SGCZ: variants seen among roughly 807,000 people sequenced by gnomAD.
The protein encoded by SGCZ is zeta-sarcoglycan.
In SGCZ, 40 loss-of-function variants were observed where a neutral mutation model predicts 41.3. The observed-to-expected ratio is 0.97, with a 90% CI of 0.75 to 1.26. The LOEUF (loss-of-function observed/expected upper bound fraction) is 1.26, where lower values mean the gene tolerates loss of function less well. Among genes scored for constraint, SGCZ ranks in the 50% most tolerant of loss-of-function variants. The pLI, the probability that SGCZ is intolerant of heterozygous loss-of-function variation, is 0.00. For missense variants in SGCZ, 552 were observed against 369.8 expected, an observed-to-expected ratio of 1.49 and a Z score of -4.04; for synonymous variants, 206 against 137.5, an observed-to-expected ratio of 1.50 and a Z score of -3.49.
chr8:14,631,637 C>A (rs1005013348), intron 1 of SGCZ, among the ~76,000 whole-genome samples: 2 of 152,062 alleles, frequency 1.3e-5, no homozygotes, highest in African/African-American at 4.8e-5. Context: ...CACCTCCTTG[C>A]TGGAGATACT....
At chr8:14,988,486 T>C (rs996424662) in intron 1 of SGCZ, among the ~76,000 whole-genome samples, 2 of 152,060 alleles carry the variant, frequency 1.3e-5, no homozygotes, top group Non-Finnish European at 2.9e-5. Flanking sequence ...TATTATAAAA[T>C]TCATTATTGG....
intron 1 of SGCZ, among the ~76,000 whole-genome samples, chr8:14,801,519 T>C (rs1307473891): frequency 6.6e-6 from 1 of 152,132 alleles, no homozygotes; most frequent in Non-Finnish European, 1.5e-5. Flanking sequence ...TACAGACAGA[T>C]TATGTTTATT....
chr8:14,837,172 C>A (rs1457722368), intron 1 of SGCZ, among the ~76,000 whole-genome samples: 1 of 152,058 alleles, frequency 6.6e-6, no homozygotes. Flanking sequence ...TCCTTGGAGA[C>A]AGAGAAAATA....
chr8:14,567,017 A>T (rs1381210093), intron 1 of SGCZ, among the ~76,000 whole-genome samples: 1 of 152,178 alleles, frequency 6.6e-6, no homozygotes, highest in Non-Finnish European at 1.5e-5. Flanking sequence ...CAGGTCCCCC[A>T]GCAGTGCCGG....
At chr8:14,328,710 T>C (rs571918181) in intron 2 of SGCZ, among the ~76,000 whole-genome samples, 3 of 152,320 alleles carry the variant, frequency 2.0e-5, no homozygotes, top group South Asian at 2.1e-4. Flanking sequence ...TTGTTCATCA[T>C]TGCTATGGTT....
chr8:14,339,320 T>C (rs923753636), intron 2 of SGCZ, among the ~76,000 whole-genome samples: 4 of 152,240 alleles, frequency 2.6e-5, no homozygotes, highest in African/African-American at 9.6e-5. Flanking sequence ...CTCTTCTCTA[T>C]GTGAATGTTA....
chr8:14,348,523 G>C (rs1563272177), intron 2 of SGCZ, among the ~76,000 whole-genome samples: 1 of 152,194 alleles, frequency 6.6e-6, no homozygotes, highest in South Asian at 2.1e-4. Context: ...AGATTGAAAT[G>C]GTTTTGAATA....
intron 2 of SGCZ, among the ~76,000 whole-genome samples, chr8:14,504,017 A>G (rs1442164017): frequency 6.6e-6 from 1 of 152,072 alleles, no homozygotes; most frequent in Non-Finnish European, 1.5e-5. Flanking sequence ...TTAAGTGAAC[A>G]TTTTATCTGC....
At chr8:14,439,526 A>T (rs1048920317) in intron 2 of SGCZ, among the ~76,000 whole-genome samples, 1 of 151,892 alleles carries the variant, frequency 6.6e-6, no homozygotes, top group East Asian at 1.9e-4. Flanking sequence ...CAGACCCAAC[A>T]ATCTTTCCCA....
intron 2 of SGCZ, among the ~76,000 whole-genome samples, chr8:14,363,738 C>T (rs1463804110): frequency 6.6e-6 from 1 of 152,096 alleles, no homozygotes; most frequent in Non-Finnish European, 1.5e-5. Flanking sequence ...ATATAAGCCT[C>T]CTTTACAAAT....
In SGCZ at chr8:14,512,373, C is replaced by T. The variant is rs76432031; in HGVS notation, c.234+42359G>A. Among the ~76,000 whole-genome samples, 1,206 of 152,174 alleles carry T rather than the reference C, an allele frequency of 7.9e-3. 6 individuals are homozygous for T. The highest frequency in any genetic ancestry group is 0.028 in the South Asian group (136 of 4,824). On this transcript the variant is annotated intron_variant, in intron 2 of 7. Transcript: ENST00000382080. ...AAATTCTTCCTTGCCTATCAGTATG[C>T]CTTAGTTTATTTTCCATTGGTATTT...
chr8:14,507,069 C>G (rs556649844), intron 2 of SGCZ, among the ~76,000 whole-genome samples: 5 of 151,710 alleles, frequency 3.3e-5, no homozygotes, highest in Non-Finnish European at 7.4e-5. Flanking sequence ...GACAGCTCCA[C>G]TTGGATGTCA....
At chr8:15,076,751 C>CCCTT (rs1563488357) in intron 1 of SGCZ, among the ~76,000 whole-genome samples, 1 of 138,506 alleles carries the variant, frequency 7.2e-6, no homozygotes, top group Non-Finnish European at 1.5e-5. Flanking sequence ...ATAAGTCTCT[C>CCCTT]TCATTTTTTT....
At chr8:14,513,124 C>A (rs1235582291) in intron 2 of SGCZ, among the ~76,000 whole-genome samples, 1 of 152,036 alleles carries the variant, frequency 6.6e-6, no homozygotes, top group Admixed American at 6.6e-5. Flanking sequence ...CTCAGTGAAG[C>A]CTTGACCTCC....
chr8:14,828,761 G>C (rs1019284497), intron 1 of SGCZ, among the ~76,000 whole-genome samples: 3 of 152,150 alleles, frequency 2.0e-5, no homozygotes, highest in African/African-American at 4.8e-5. Context: ...GTATGAGAGT[G>C]TTTTGAGAGA....
intron 1 of SGCZ, among the ~76,000 whole-genome samples, chr8:14,803,536 C>T (rs958573516): frequency 3.9e-5 from 6 of 152,158 alleles, no homozygotes; most frequent in Non-Finnish European, 7.3e-5. Flanking sequence ...TAAAAAACGG[C>T]GCACCACGAG....
intron 1 of SGCZ, among the ~76,000 whole-genome samples, chr8:15,085,852 C>A (rs1453202009): frequency 6.6e-6 from 1 of 152,112 alleles, no homozygotes; most frequent in Admixed American, 6.6e-5. Flanking sequence ...TGTCTGCATA[C>A]CCCTGTGGAT....
At position 15,047,055 on chromosome 8, in the gene SGCZ, T is replaced by C. The variant is rs1330816770; in HGVS notation, c.39+190530A>G. Among the ~76,000 whole-genome samples, 5 of 152,178 alleles carry C rather than the reference T, an allele frequency of 3.3e-5. No individual in the cohort carries two copies. The East Asian group carries it at 7.7e-4, about 24-fold the overall frequency. ...ATTAATGTAAATGTACTCTGTCCTT[T>C]GATAGTTCTAAGGCTTTGATGGATA... On this transcript the variant is annotated intron_variant, in intron 1 of 7. Coordinates refer to ENST00000382080, the MANE Select transcript of SGCZ (RefSeq NM_139167.4).
intron 3 of SGCZ, among the ~76,000 whole-genome samples, chr8:14,289,493 A>G (rs1800767358): frequency 6.6e-6 from 1 of 152,120 alleles, no homozygotes; most frequent in Admixed American, 6.6e-5. Flanking sequence ...GTAAATATCC[A>G]CTTATCCTAC....
Sources: gnomAD v4.1 joint callset for allele counts (sites outside exome capture counted in the v4.1 genomes callset) on GRCh38, gnomAD v4.1.1 for gene constraint, MANE v1.5 for transcripts, NCBI Gene and HGNC (gene_info 2026-07-23, HGNC 2026-07-21) for gene names.